PPM1H: variants seen among roughly 807,000 people sequenced by gnomAD.
The protein encoded by PPM1H is protein phosphatase 1H.
PPM1H carries 27 observed loss-of-function variants against 54.9 expected under a neutral mutation model. The observed-to-expected ratio is 0.49, with a 90% CI of 0.36 to 0.68. PPM1H has a LOEUF of 0.68. PPM1H is among the 30% of genes least tolerant of loss of function. PPM1H has a pLI of 0.00. For missense variants in PPM1H, 596 were observed against 667.8 expected, an observed-to-expected ratio of 0.89 and a Z score of 1.19; for synonymous variants, 305 against 270.8, an observed-to-expected ratio of 1.13 and a Z score of -1.24.
intron 8 of PPM1H, among the ~76,000 whole-genome samples, chr12:62,670,956 C>T (rs1440623165): frequency 6.6e-6 from 1 of 152,148 alleles, no homozygotes; most frequent in Non-Finnish European, 1.5e-5. Flanking sequence ...TGATGCAGAA[C>T]ATTTTGCAAA....
At chr12:62,661,790 C>T (rs1429645224) in intron 9 of PPM1H, among the ~76,000 whole-genome samples, 1 of 152,132 alleles carries the variant, frequency 6.6e-6, no homozygotes, top group Admixed American at 6.5e-5. Flanking sequence ...AAGCTTAAGC[C>T]ATCTTCCTGC....
intron 9 of PPM1H, among the ~76,000 whole-genome samples, chr12:62,656,201 GTGGCTTGCCCAGGTTCCAATCC>G (rs2075843214): frequency 6.6e-6 from 1 of 152,134 alleles, no homozygotes; most frequent in South Asian, 2.1e-4. Flanking sequence ...GGGTGTAAGC[GTGGCTTGCCCAGGTTCCAATCC>G]TGGCTTTCCC....
intron 3 of PPM1H, among the ~76,000 whole-genome samples, chr12:62,789,343 C>G (rs1220244318): frequency 6.6e-6 from 1 of 152,180 alleles, no homozygotes; most frequent in Non-Finnish European, 1.5e-5. Context: ...GATAAATAGT[C>G]TCTTTTACAG....
chr12:62,674,572 T>C (rs2075975195), intron 8 of PPM1H, among the ~76,000 whole-genome samples: 1 of 152,184 alleles, frequency 6.6e-6, no homozygotes, highest in Non-Finnish European at 1.5e-5. Context: ...GTCTATCTAC[T>C]TTACTTGATG....
At chr12:62,676,081 T>G (rs1031257706) in intron 8 of PPM1H, among the ~76,000 whole-genome samples, 1 of 152,182 alleles carries the variant, frequency 6.6e-6, no homozygotes, top group Non-Finnish European at 1.5e-5. Flanking sequence ...GCTGATTGGT[T>G]CATGGGTGGC....
At chr12:62,757,309 C>A (rs1479390944) in intron 4 of PPM1H, among the ~76,000 whole-genome samples, 1 of 151,978 alleles carries the variant, frequency 6.6e-6, no homozygotes. Flanking sequence ...ATTAGTTATG[C>A]CAAAAGTGGA....
intron 8 of PPM1H, among the ~76,000 whole-genome samples, chr12:62,668,107 C>T (rs2075930614): frequency 6.6e-6 from 1 of 152,146 alleles, no homozygotes; most frequent in African/African-American, 2.4e-5. Flanking sequence ...TCAACACCCA[C>T]CTAAGCTCTG....
At chr12:62,649,200 GTTTT>G (rs34573131) in intron 9 of PPM1H, among the ~76,000 whole-genome samples, 2 of 148,536 alleles carry the variant, frequency 1.3e-5, no homozygotes, top group African/African-American at 2.5e-5. Flanking sequence ...AAGTTTTTTG[GTTTT>G]TTTTTTTAAT....
chr12:62,923,358 C>A (rs772577), intron 1 of PPM1H, among the ~76,000 whole-genome samples: 81,070 of 151,604 alleles, frequency 0.53, 21,928 homozygotes, highest in East Asian at 0.66. Flanking sequence ...TAAGTCTACA[C>A]TGGTTTCAAC....
At chr12:62,829,406 A>C in intron 2 of PPM1H, among the ~76,000 whole-genome samples, 1 of 152,340 alleles carries the variant, frequency 6.6e-6, no homozygotes, top group South Asian at 2.1e-4. Flanking sequence ...GAGAACCTGA[A>C]AAAGTTCTGG....
At chr12:62,780,954 A>G (rs887289985) in intron 4 of PPM1H, among the ~76,000 whole-genome samples, 3 of 152,218 alleles carry the variant, frequency 2.0e-5, no homozygotes. Flanking sequence ...TTCTACTTCT[A>G]TGAACTTCAT....
Position 62,654,217 on chromosome 12 carries a change from CAAAAAAA to C in PPM1H, c.1398-5588_1398-5582del, listed in dbSNP as rs57812590. On this transcript the variant is annotated intron_variant, in intron 9 of 9. Transcript: ENST00000228705. Reference sequence around the variant, plus strand: ...TGGGTGACAGAGAGAGACTCTTTCTCAAAAAAAAAAAAAAAAAAAAAAAAGCAACACC... The same window carrying C: ...TGGGTGACAGAGAGAGACTCTTTCTCAAAAAAAAAAAAAAAAAGCAACACC... 3.2e-4 allele frequency among the ~76,000 whole-genome samples: 21 copies of C among 65,450 alleles called. 1 individual carries two copies. The highest frequency in any genetic ancestry group is 0.016 in the Middle Eastern group (1 of 62). The allele number at this position is 65,450 out of a possible 152,430, so 42.9% of individuals were successfully genotyped here. A position where few individuals can be genotyped will look rare whatever the true frequency, so the allele number is the denominator to read the frequency against.
intron 6 of PPM1H, among the ~76,000 whole-genome samples, chr12:62,699,284 C>A (rs188540535): frequency 6.6e-6 from 1 of 152,348 alleles, no homozygotes; most frequent in Non-Finnish European, 1.5e-5. Context: ...GCAACCTCTA[C>A]CTCCTGGGTT....
chr12:62,790,214 A>T (rs140113074), intron 3 of PPM1H, among the ~76,000 whole-genome samples: 2 of 152,352 alleles, frequency 1.3e-5, no homozygotes, highest in Non-Finnish European at 2.9e-5. Context: ...TGGTAACATA[A>T]AAAGGGTAAA....
chr12:62,734,874 C>G (rs565395130), intron 5 of PPM1H, among the ~76,000 whole-genome samples: 2 of 152,190 alleles, frequency 1.3e-5, no homozygotes, highest in East Asian at 1.9e-4. Flanking sequence ...GAGACCCCCC[C>G]ATCTCTACAA....
intron 5 of PPM1H, among the ~76,000 whole-genome samples, chr12:62,721,242 C>T (rs1397515408): frequency 6.6e-6 from 1 of 152,130 alleles, no homozygotes; most frequent in Non-Finnish European, 1.5e-5. Context: ...CCAATGCCGG[C>T]GGATCTCTCA....
At chr12:62,896,747 C>T (rs1457177027) in intron 1 of PPM1H, among the ~76,000 whole-genome samples, 13 of 152,098 alleles carry the variant, frequency 8.5e-5, no homozygotes, top group Non-Finnish European at 8.8e-5. Flanking sequence ...ATCCCATTAC[C>T]GGGTATATAC....
At chr12:62,747,625 C>T (rs1170157306) in intron 4 of PPM1H, among the ~76,000 whole-genome samples, 1 of 152,186 alleles carries the variant, frequency 6.6e-6, no homozygotes, top group Non-Finnish European at 1.5e-5. Flanking sequence ...TTCATGTAAC[C>T]CTCAGAAAGC....
intron 4 of PPM1H, among the ~76,000 whole-genome samples, chr12:62,743,873 TA>T (rs897621844): frequency 9.9e-5 from 15 of 152,190 alleles, no homozygotes; most frequent in South Asian, 2.1e-4. Context: ...TGGGAAACAT[TA>T]AAAAAACAAC....
Sources: allele counts gnomAD v4.1 joint callset (sites outside exome capture counted in the v4.1 genomes callset), GRCh38; gene constraint gnomAD v4.1.1; transcripts MANE v1.5; gene names NCBI Gene and HGNC (gene_info 2026-07-23, HGNC 2026-07-21).